The following MEI4 variants were observed in gnomAD, a reference collection of about 807,000 sequenced individuals.
The protein encoded by MEI4 is meiosis-specific protein MEI4.
MEI4 carries 27 observed loss-of-function variants against 31.4 expected under a neutral mutation model. The observed-to-expected ratio is 0.86, with a 90% CI of 0.63 to 1.19. MEI4 has a LOEUF of 1.19. MEI4 is among the 50% of genes most tolerant of loss of function. The probability of loss-of-function intolerance (pLI) is 0.00; values close to 1 mark genes in which losing one functional copy is unlikely to be tolerated. For missense variants in MEI4, 329 were observed against 398.9 expected (o/e 0.82, Z 1.49); for synonymous variants, 122 against 145.4 (o/e 0.84, Z 1.16).
intron 2 of MEI4, among the ~76,000 whole-genome samples, chr6:77,706,979 T>C (rs968947467): frequency 2.0e-5 from 3 of 151,562 alleles, no homozygotes; most frequent in African/African-American, 7.3e-5. Flanking sequence ...ACACAGAAAA[T>C]TGGTACTAAA....
In MEI4 at chr6:77,678,819, C is replaced by T. The variant is rs187310424; in HGVS notation, c.-14-11839C>T. 5.4e-3 allele frequency among the ~76,000 whole-genome samples: 822 copies of T among 152,108 alleles called. 5 individuals carry two copies. Among genetic ancestry groups the T allele is most frequent in the Non-Finnish European group, 8.9e-3 (604 of 68,016 alleles). On this transcript the variant is annotated intron_variant, in intron 1 of 4. Coordinates refer to ENST00000684080, the MANE Select transcript of MEI4 (RefSeq NM_001322247.2). ...AAGTACAGGTCCATGCATTTTATTG[C>T]CCCTGAAGACCTTCCGGTGGGACAA...
intron 4 of MEI4, among the ~76,000 whole-genome samples, chr6:77,914,290 G>A (rs185678088): frequency 2.5e-4 from 38 of 151,606 alleles, no homozygotes; most frequent in South Asian, 4.2e-4. Context: ...GATATGTTGC[G>A]TATTGATTTT....
At chr6:77,873,523 C>G (rs998932808) in intron 4 of MEI4, among the ~76,000 whole-genome samples, 2 of 152,030 alleles carry the variant, frequency 1.3e-5, no homozygotes, top group African/African-American at 2.4e-5. Flanking sequence ...CAGGTGAGTA[C>G]GTTGCGAAAA....
chr6:77,742,998 G>T (rs1022625198), intron 2 of MEI4, among the ~76,000 whole-genome samples: 71 of 152,162 alleles, frequency 4.7e-4, no homozygotes, highest in Non-Finnish European at 7.9e-4. Context: ...TTTGGTACCA[G>T]TACCATGCTG....
At chr6:77,909,577 A>G (rs1359054796) in intron 4 of MEI4, among the ~76,000 whole-genome samples, 1 of 152,156 alleles carries the variant, frequency 6.6e-6, no homozygotes, top group Non-Finnish European at 1.5e-5. Flanking sequence ...TAGCTTACCA[A>G]CCAACAAAAG....
intron 2 of MEI4, among the ~76,000 whole-genome samples, chr6:77,704,784 CTGAG>C (rs1403592151): frequency 1.3e-5 from 2 of 152,084 alleles, no homozygotes; most frequent in Non-Finnish European, 2.9e-5. Context: ...TTCAAAACAC[CTGAG>C]TGTTTTGAAT....
At chr6:77,788,053 T>C (rs926673069) in intron 3 of MEI4, among the ~76,000 whole-genome samples, 22 of 152,166 alleles carry the variant, frequency 1.4e-4, no homozygotes, top group African/African-American at 5.3e-4. Flanking sequence ...TTTCTATTGA[T>C]TGGAATAGTT....
chr6:77,851,088 T>A (rs1460471900), intron 4 of MEI4, among the ~76,000 whole-genome samples: 1 of 152,176 alleles, frequency 6.6e-6, no homozygotes, highest in African/African-American at 2.4e-5. Flanking sequence ...CACAATGAGA[T>A]ATCATCTCAC....
intron 4 of MEI4, among the ~76,000 whole-genome samples, chr6:77,874,930 C>G (rs1771296094): frequency 6.6e-6 from 1 of 152,144 alleles, no homozygotes; most frequent in Non-Finnish European, 1.5e-5. Flanking sequence ...ATATATTGAA[C>G]TAGAAAGGCA....
intron 2 of MEI4, among the ~76,000 whole-genome samples, chr6:77,733,322 T>C (rs1346505881): frequency 6.6e-6 from 1 of 152,090 alleles, no homozygotes; most frequent in African/African-American, 2.4e-5. Flanking sequence ...ATTGGTCTAT[T>C]CAGAGATTCA....
At chr6:77,918,553 G>C (rs1371937419) in intron 4 of MEI4, among the ~76,000 whole-genome samples, 32 of 148,160 alleles carry the variant, frequency 2.2e-4, no homozygotes, top group Non-Finnish European at 7.5e-5. Flanking sequence ...GTTCACTCAT[G>C]ATTTGGCTCT....
At position 77,868,516 on chromosome 6, in the gene MEI4, T is replaced by TATATATATATATATATATATATAC. The variant is rs375883143; in HGVS notation, c.900+39466_900+39467insATATATATATACATATATATATAT. ...AAAAAATACTACATATATATATATATATATATATATATGCAGATTTCAAGT... is the reference window on the plus strand; with the variant it reads ...AAAAAATACTACATATATATATATATATATATATATATATATATATATACATATATATATATGCAGATTTCAAGT... On this transcript the variant is annotated intron_variant, in intron 4 of 4. Transcript: ENST00000684080. Among the ~76,000 whole-genome samples the TATATATATATATATATATATATAC allele has an allele frequency of 6.7e-5, 9 of 133,768 alleles. No individual in the cohort carries two copies. In the South Asian group the frequency reaches 7.1e-4, roughly 11 times the overall value. 87.8% of individuals were successfully genotyped at this position (133,768 alleles called of 152,430 possible). A position where few individuals can be genotyped will look rare whatever the true frequency, so the allele number is the denominator to read the frequency against.
At chr6:77,668,812 A>G (rs996497913) in intron 1 of MEI4, among the ~76,000 whole-genome samples, 4 of 152,210 alleles carry the variant, frequency 2.6e-5, no homozygotes, top group African/African-American at 9.6e-5. Flanking sequence ...ATAATCTATC[A>G]TACCATAACT....
At chr6:77,862,216 G>A (rs2127721503) in intron 4 of MEI4, among the ~76,000 whole-genome samples, 1 of 152,254 alleles carries the variant, frequency 6.6e-6, no homozygotes, top group East Asian at 1.9e-4. Context: ...GTCAGAAAGT[G>A]GGTGCAGGGT....
At chr6:77,804,919 C>G (rs1175666661) in intron 3 of MEI4, among the ~76,000 whole-genome samples, 3 of 152,048 alleles carry the variant, frequency 2.0e-5, no homozygotes, top group African/African-American at 4.8e-5. Flanking sequence ...TTTGGTATGA[C>G]AAATATATTT....
intron 3 of MEI4, among the ~76,000 whole-genome samples, chr6:77,796,463 C>G (rs961963483): frequency 8.6e-5 from 13 of 152,038 alleles, no homozygotes; most frequent in Non-Finnish European, 1.5e-5. Context: ...ATAGAACACC[C>G]TAAAAATGCC....
At chr6:77,800,791 A>C (rs1189583680) in intron 3 of MEI4, among the ~76,000 whole-genome samples, 4 of 152,004 alleles carry the variant, frequency 2.6e-5, no homozygotes, top group Non-Finnish European at 5.9e-5. Flanking sequence ...TGCTGAATTA[A>C]GTTTATTGAT....
intron 4 of MEI4, among the ~76,000 whole-genome samples, chr6:77,866,878 T>G (rs986282863): frequency 2.0e-5 from 3 of 152,140 alleles, no homozygotes; most frequent in Non-Finnish European, 4.4e-5. Context: ...AACAGAGATA[T>G]AGACCAATGG....
At position 77,923,136 on chromosome 6, in the gene MEI4, G is replaced by C. The variant is rs960009535; in HGVS notation, c.948G>C (p.Leu316=). 10 of 1,230,398 alleles carry C rather than the reference G, an allele frequency of 8.1e-6. No homozygotes were observed. The African/African-American group carries it at 1.4e-4, about 17-fold the overall frequency. 76.2% of individuals were successfully genotyped at this position (1,230,398 alleles called of 1,614,324 possible). A position where few individuals can be genotyped will look rare whatever the true frequency, so the allele number is the denominator to read the frequency against. The part of the protein sequence containing the change: ...DVSRYENIFY[L]FWVLEQLLQK... ...CACGCTATGAAAACATTTTCTACCT[G>C]TTCTGGGTTCTGGAGCAGCTTCTTC... is the stretch of plus-strand genomic sequence containing the variant. The change falls in exon 5 of 5, where the codon CTG becomes CTC. Residue 316 remains leucine (L), a synonymous_variant. Coordinates refer to ENST00000684080, the MANE Select transcript of MEI4 (RefSeq NM_001322247.2).
Sources: gnomAD v4.1 joint callset for allele counts (sites outside exome capture counted in the v4.1 genomes callset) on GRCh38, gnomAD v4.1.1 for gene constraint, MANE v1.5 for transcripts, NCBI Gene and HGNC (gene_info 2026-07-23, HGNC 2026-07-21) for gene names.